Variants in HPSE2 observed in about 807,000 individuals in gnomAD.
HPSE2 encodes the protein heparanase 2 (inactive), also known as inactive heparanase-2.
A neutral mutation model predicts 60.5 loss-of-function variants in HPSE2; 38 were observed. That is an observed-to-expected ratio of 0.63 (90% CI 0.48 to 0.82). HPSE2 has a LOEUF of 0.82. Ranked by LOEUF, HPSE2 falls within the 40% of genes least tolerant of loss-of-function variation. The probability of loss-of-function intolerance (pLI) is 0.00; values close to 1 mark genes in which losing one functional copy is unlikely to be tolerated. For synonymous variants in HPSE2, 295 were observed against 293.2 expected, an observed-to-expected ratio of 1.01 and a Z score of -0.06; for missense variants, 713 against 740.4, an observed-to-expected ratio of 0.96 and a Z score of 0.43.
At chr10:98,748,154 G>A (rs895805844) in intron 3 of HPSE2, among the ~76,000 whole-genome samples, 7 of 152,050 alleles carry the variant, frequency 4.6e-5, no homozygotes, top group African/African-American at 1.7e-4. Context: ...AAAAAAATTA[G>A]CTGGGTGTGG....
intron 3 of HPSE2, among the ~76,000 whole-genome samples, chr10:99,099,845 G>A (rs1370289866): frequency 4.6e-5 from 7 of 152,260 alleles, no homozygotes; most frequent in East Asian, 1.9e-4. Context: ...AATATTCACC[G>A]TTCTGCAGCC....
At chr10:99,271,733 C>T in the HPSE2 span, among the ~76,000 whole-genome samples, 11 of 152,092 alleles carry the variant, frequency 7.2e-5, no homozygotes, top group Admixed American at 1.3e-4. Context: ...TTACATTACC[C>T]AACTTCAAAC....
intron 2 of HPSE2, among the ~76,000 whole-genome samples, chr10:99,228,135 T>C (rs967548446): frequency 1.3e-5 from 2 of 152,096 alleles, no homozygotes; most frequent in South Asian, 2.1e-4. Context: ...CATATTCATA[T>C]AGTAACTGAA....
intron 3 of HPSE2, among the ~76,000 whole-genome samples, chr10:99,023,043 C>T (rs1226823630): frequency 6.6e-6 from 1 of 152,124 alleles, no homozygotes; most frequent in East Asian, 1.9e-4. Flanking sequence ...ACTAAGTGGG[C>T]TCTTGGGGTC....
At chr10:99,134,913 C>A (rs1341028420) in intron 3 of HPSE2, among the ~76,000 whole-genome samples, 1 of 152,168 alleles carries the variant, frequency 6.6e-6, no homozygotes, top group Non-Finnish European at 1.5e-5. Context: ...TTAAAAGACA[C>A]AGACTGGCAA....
chr10:98,933,893 G>A (rs113781212), intron 3 of HPSE2, among the ~76,000 whole-genome samples: 22,054 of 140,652 alleles, frequency 0.16, 4,145 homozygotes, highest in African/African-American at 0.26. Context: ...CACCACACCC[G>A]GCTAATGTTT....
chr10:98,990,046 A>C (rs1021230009), intron 3 of HPSE2, among the ~76,000 whole-genome samples: 2 of 152,178 alleles, frequency 1.3e-5, no homozygotes, highest in African/African-American at 4.8e-5. Context: ...GAAGTAAAAA[A>C]AGTAATGGGC....
intron 3 of HPSE2, among the ~76,000 whole-genome samples, chr10:98,935,111 G>A (rs1367056251): frequency 1.4e-5 from 2 of 141,832 alleles, no homozygotes; most frequent in South Asian, 2.1e-4. Flanking sequence ...CAAAGTTCTC[G>A]TGTTGTGTTT....
intron 3 of HPSE2, among the ~76,000 whole-genome samples, chr10:99,136,556 T>C (rs1052118485): frequency 4.6e-5 from 7 of 152,180 alleles, no homozygotes; most frequent in African/African-American, 1.7e-4. Flanking sequence ...TCAAGTCGGC[T>C]TCATCCCTGG....
At chr10:99,079,873 T>C (rs1485841894) in intron 3 of HPSE2, among the ~76,000 whole-genome samples, 1 of 152,090 alleles carries the variant, frequency 6.6e-6, no homozygotes, top group East Asian at 1.9e-4. Context: ...TCAAGACATA[T>C]AGCAGTCTTC....
intron 11 of HPSE2, among the ~76,000 whole-genome samples, chr10:98,470,613 G>A (rs1925640): frequency 0.4 from 61,526 of 152,130 alleles, 13,570 homozygotes; most frequent in African/African-American, 0.61. Flanking sequence ...AGAAGAAGAC[G>A]AGGGCCATTT....
intron 9 of HPSE2, among the ~76,000 whole-genome samples, chr10:98,510,737 G>A (rs1195365849): frequency 6.6e-6 from 1 of 152,194 alleles, no homozygotes; most frequent in African/African-American, 2.4e-5. Flanking sequence ...TTCCTAGTGC[G>A]TAAGGTTTCC....
intron 3 of HPSE2, among the ~76,000 whole-genome samples, chr10:98,782,891 G>A (rs1334559702): frequency 7.8e-6 from 1 of 127,974 alleles, no homozygotes; most frequent in Non-Finnish European, 1.7e-5. Flanking sequence ...GGGTTGAGTG[G>A]GTCTACTTCC....
intron 7 of HPSE2, among the ~76,000 whole-genome samples, chr10:98,634,859 C>T (rs1300845457): frequency 6.6e-6 from 1 of 152,208 alleles, no homozygotes. Context: ...GTTCTCTGAT[C>T]ATACCCTAAG....
At chr10:99,178,000 C>CA (rs1241436294) in intron 2 of HPSE2, among the ~76,000 whole-genome samples, 1 of 151,978 alleles carries the variant, frequency 6.6e-6, no homozygotes, top group African/African-American at 2.4e-5. Flanking sequence ...GGAAAATGAA[C>CA]AACCTGCTCC....
intron 9 of HPSE2, among the ~76,000 whole-genome samples, chr10:98,492,251 C>A (rs1941672393): frequency 6.6e-6 from 1 of 151,964 alleles, no homozygotes. Flanking sequence ...GCCTATAATC[C>A]CTGCACTTTG....
In HPSE2 at chr10:98,459,310, G is replaced by A; in HGVS notation, c.*264C>T. 2.0e-6 allele frequency: 1 copy of A among 497,386 alleles called. No individual in the cohort carries two copies. The highest frequency in any genetic ancestry group is 2.1e-5 in the South Asian group (1 of 48,286). The allele number at this position is 497,386 out of a possible 1,614,324, so 30.8% of individuals were successfully genotyped here. On this transcript the variant is annotated 3_prime_UTR_variant, in exon 12 of 12. Transcript: ENST00000370552. ...CTCGTTTTCATAGTGCACATGAAGGGAAACATTCTGCTCTATACACATGCC... is the reference window on the plus strand; with the variant it reads ...CTCGTTTTCATAGTGCACATGAAGGAAAACATTCTGCTCTATACACATGCC...
chr10:99,000,010 T>C (rs1336956568), intron 3 of HPSE2, among the ~76,000 whole-genome samples: 1 of 151,948 alleles, frequency 6.6e-6, no homozygotes, highest in Non-Finnish European at 1.5e-5. Flanking sequence ...AAATGTGAAA[T>C]GGCAAACTAG....
Position 98,742,420 on chromosome 10 carries a change from CCAAA to C in HPSE2, c.784+1459_784+1462del, listed in dbSNP as rs1949520447. On this transcript the variant is annotated intron_variant, in intron 4 of 11. Coordinates refer to ENST00000370552, the MANE Select transcript of HPSE2 (RefSeq NM_021828.5). Reference sequence around the variant, plus strand: ...CACACACACTCACACATATAGTGCTCCAAACAAATATGGGTTAGCTAGAGACATA... The same window carrying C: ...CACACACACTCACACATATAGTGCTCCAAATATGGGTTAGCTAGAGACATA... Among the ~76,000 whole-genome samples, 6 of 150,838 alleles carry C rather than the reference CCAAA, an allele frequency of 4.0e-5. No individual in the cohort carries two copies. In the South Asian group the frequency reaches 1.3e-3, roughly 32 times the overall value.
Sources: allele counts gnomAD v4.1 joint callset (sites outside exome capture counted in the v4.1 genomes callset), GRCh38; gene constraint gnomAD v4.1.1; transcripts MANE v1.5; gene names NCBI Gene and HGNC (gene_info 2026-07-23, HGNC 2026-07-21).